MID1: variants seen among roughly 807,000 people sequenced by gnomAD.
The protein encoded by MID1 is midline 1, also known as E3 ubiquitin-protein ligase Midline-1.
A neutral mutation model predicts 40.4 loss-of-function variants in MID1; 7 were observed. The observed-to-expected ratio is 0.17, with a 90% CI of 0.10 to 0.33. The LOEUF (loss-of-function observed/expected upper bound fraction) is 0.33, where lower values mean the gene tolerates loss of function less well. Among genes scored for constraint, MID1 ranks in the 10% least tolerant of loss-of-function variants. The pLI is 1.00. For synonymous variants in MID1, 229 were observed against 221.2 expected (o/e 1.04, Z -0.31); for missense variants, 367 against 558.5 (o/e 0.66, Z 3.46).
chrX:10,729,409 C>G (rs1223945262), intron 1 of MID1, among the ~76,000 whole-genome samples: 5 of 112,019 alleles, frequency 4.5e-5, no homozygotes, highest in Admixed American at 3.8e-4. Flanking sequence ...GGAAAATACA[C>G]TGAAAATTTG....
intron 1 of MID1, among the ~76,000 whole-genome samples, chrX:10,774,537 T>C (rs2043789907): frequency 2.7e-5 from 3 of 110,469 alleles, no homozygotes; most frequent in African/African-American, 9.9e-5. Context: ...CAAACTGATA[T>C]GGCACTTGTA....
chrX:10,740,745 CTTA>C (rs1175243496), intron 1 of MID1, among the ~76,000 whole-genome samples: 2 of 110,726 alleles, frequency 1.8e-5, no homozygotes, highest in East Asian at 5.6e-4. Flanking sequence ...CCCACCTGCA[CTTA>C]TTATTATTAT....
chrX:10,702,213 G>A (rs2043197732), intron 1 of MID1, among the ~76,000 whole-genome samples: 1 of 112,329 alleles, frequency 8.9e-6, no homozygotes, highest in Non-Finnish European at 1.9e-5. Context: ...CATTGAAGAC[G>A]ACTGTGGTTT....
chrX:10,748,429 A>C (rs773677929), intron 1 of MID1, among the ~76,000 whole-genome samples: 38 of 112,254 alleles, frequency 3.4e-4, no homozygotes, highest in Non-Finnish European at 7.1e-4. Context: ...AATTCCAACC[A>C]ACTCAGGAAA....
chrX:10,820,050 T>C (rs1336712272), intron 1 of MID1, among the ~76,000 whole-genome samples: 2 of 111,966 alleles, frequency 1.8e-5, no homozygotes, highest in Admixed American at 9.5e-5. Flanking sequence ...AGCAGCCCCA[T>C]TGGCCTCAAG....
intron 2 of MID1, among the ~76,000 whole-genome samples, chrX:10,552,195 C>T (rs1327039740): frequency 1.8e-5 from 2 of 109,492 alleles, no homozygotes; most frequent in Non-Finnish European, 3.8e-5. Flanking sequence ...TAGGGAATGT[C>T]GGAGATCAGA....
chrX:10,587,685 C>T (rs1258098629), intron 1 of MID1, among the ~76,000 whole-genome samples: 1 of 112,407 alleles, frequency 8.9e-6, no homozygotes, highest in African/African-American at 3.2e-5. Context: ...GCATTTGCAT[C>T]TTGGTATGCT....
At chrX:10,483,542 C>T (rs1432638892) in intron 4 of MID1, among the ~76,000 whole-genome samples, 1 of 112,091 alleles carries the variant, frequency 8.9e-6, no homozygotes, top group African/African-American at 3.2e-5. Context: ...AATTAGACAG[C>T]TAATTGGAAT....
chrX:10,567,371 G>A lies in MID1; in HGVS notation c.177C>T (p.Cys59=). The stretch of plus-strand genomic sequence containing the variant: ...GCTGGCTGAGGGTGATGACATGCCG[G>A]CAGGTGGGGCACTGGAAGGCGGTGA... The part of the protein sequence containing the change: ...ESITAFQCPT[C]RHVITLSQRG... The change falls in exon 2 of 10, where the codon TGC becomes TGT. Residue 59 remains cysteine, a synonymous_variant. Coordinates refer to ENST00000317552, the MANE Select transcript of MID1 (RefSeq NM_000381.4). The A allele has an allele frequency of 1.7e-6, 2 of 1,200,350 alleles. No individual in the cohort carries two copies. Among genetic ancestry groups the A allele is most frequent in the Non-Finnish European group, 2.3e-6 (2 of 888,384 alleles).
intron 1 of MID1, among the ~76,000 whole-genome samples, chrX:10,703,560 G>A (rs1602526292): frequency 9.0e-6 from 1 of 111,249 alleles, no homozygotes; most frequent in Non-Finnish European, 1.9e-5. Flanking sequence ...CCAGCTACTC[G>A]GGAGGCTGAG....
intron 2 of MID1, among the ~76,000 whole-genome samples, chrX:10,537,900 A>G (rs1296709062): frequency 8.9e-6 from 1 of 112,039 alleles, no homozygotes; most frequent in Non-Finnish European, 1.9e-5. Flanking sequence ...GTCCCCTGTT[A>G]TTTTAAACTC....
At chrX:10,817,720 C>T (rs1166316925) in intron 1 of MID1, among the ~76,000 whole-genome samples, 2 of 104,560 alleles carry the variant, frequency 1.9e-5, no homozygotes, top group Non-Finnish European at 3.9e-5. Flanking sequence ...CCTGGGTTAA[C>T]GTGATTCTCG....
At chrX:10,712,984 G>A (rs1006981802) in intron 1 of MID1, among the ~76,000 whole-genome samples, 2 of 110,853 alleles carry the variant, frequency 1.8e-5, no homozygotes, top group East Asian at 5.7e-4. Flanking sequence ...TTAAAGGCAC[G>A]TGCCACCACA....
At chrX:10,765,509 T>C (rs1165995233) in intron 1 of MID1, among the ~76,000 whole-genome samples, 1 of 112,492 alleles carries the variant, frequency 8.9e-6, no homozygotes, top group East Asian at 2.8e-4. Context: ...TTTCATCTTT[T>C]AGCTTGTCTG....
intron 3 of MID1, among the ~76,000 whole-genome samples, chrX:10,516,616 G>GCA (rs1932457208): frequency 1.1e-5 from 1 of 92,416 alleles, no homozygotes; most frequent in Non-Finnish European, 2.0e-5. Context: ...GTGTGCGCGC[G>GCA]CGCACGCGTG....
chrX:10,752,362 T>C (rs186233899), intron 1 of MID1, among the ~76,000 whole-genome samples: 75 of 111,933 alleles, frequency 6.7e-4, no homozygotes, highest in African/African-American at 2.4e-3. Context: ...CTTGTGTCAG[T>C]CTACCTACTT....
intron 1 of MID1, among the ~76,000 whole-genome samples, chrX:10,602,544 CA>C (rs1388154094): frequency 4.5e-5 from 5 of 111,498 alleles, no homozygotes; most frequent in African/African-American, 1.6e-4. Flanking sequence ...CTCTTCTGGA[CA>C]TTTAATATAA....
At chrX:10,812,919 G>T (rs1030123237) in intron 1 of MID1, among the ~76,000 whole-genome samples, 1 of 111,156 alleles carries the variant, frequency 9.0e-6, no homozygotes, top group Non-Finnish European at 1.9e-5. Context: ...TCAGTGCAAA[G>T]GTTGTCTTAG....
At chrX:10,659,292 G>C (rs1186118796) in intron 1 of MID1, among the ~76,000 whole-genome samples, 1 of 111,638 alleles carries the variant, frequency 9.0e-6, no homozygotes, top group Non-Finnish European at 1.9e-5. Context: ...GATTACTATG[G>C]AGTCAGGTGC....
Sources: allele counts gnomAD v4.1 joint callset (sites outside exome capture counted in the v4.1 genomes callset), GRCh38; gene constraint gnomAD v4.1.1; transcripts MANE v1.5; gene names NCBI Gene and HGNC (gene_info 2026-07-23, HGNC 2026-07-21).